The following MAP3K21 variants were observed in gnomAD, a reference collection of about 807,000 sequenced individuals.
MAP3K21 encodes mitogen-activated protein kinase kinase kinase 21.
Under a neutral mutation model 86.1 loss-of-function variants are expected in MAP3K21, and 63 were observed. The observed-to-expected ratio is 0.73, with a 90% CI of 0.60 to 0.90. MAP3K21 has a LOEUF of 0.90. Ranked by LOEUF, MAP3K21 falls within the 40% of genes least tolerant of loss-of-function variation. The probability of loss-of-function intolerance (pLI) is 0.00; values close to 1 mark genes in which losing one functional copy is unlikely to be tolerated. For missense variants in MAP3K21, 1,220 were observed against 1,367.7 expected (o/e 0.89, Z 1.70); for synonymous variants, 558 against 564.8 (o/e 0.99, Z 0.17).
chr1:233,381,897 A>AT (rs1403897948), intron 9 of MAP3K21, among the ~76,000 whole-genome samples: 12 of 152,208 alleles, frequency 7.9e-5, no homozygotes, highest in African/African-American at 2.9e-4. Flanking sequence ...AACCTCTTAA[A>AT]TTTATTCCAG....
At chr1:233,329,003 G>C (rs979704708) in intron 1 of MAP3K21, among the ~76,000 whole-genome samples, 170 bp downstream of exon 1, 1 of 152,176 alleles carries the variant, frequency 6.6e-6, no homozygotes. Flanking sequence ...TTGGTTACTT[G>C]CTTTGGGGCT....
rs1252087439 is a variant in MAP3K21 at position 233,383,544 on chromosome 1, C to T, written c.*833C>T. 4 of 151,940 alleles carry T rather than the reference C, an allele frequency of 2.6e-5. No individual in the cohort carries two copies. The highest frequency in any genetic ancestry group is 9.7e-5 in the African/African-American group (4 of 41,374). 9.4% of individuals were successfully genotyped at this position (151,940 alleles called of 1,614,324 possible). A position where few individuals can be genotyped will look rare whatever the true frequency, so the allele number is the denominator to read the frequency against. On this transcript the variant is annotated 3_prime_UTR_variant, in exon 10 of 10. Coordinates refer to ENST00000366624, the MANE Select transcript of MAP3K21 (RefSeq NM_032435.3). ...CCTATAGAAAACATTCTTCCTCCATCAGTAGCCCTTTATTTGATATTCAGA... is the reference window on the plus strand; with the variant it reads ...CCTATAGAAAACATTCTTCCTCCATTAGTAGCCCTTTATTTGATATTCAGA...
At chr1:233,332,050 A>G (rs1347191298) in intron 1 of MAP3K21, among the ~76,000 whole-genome samples, 1 of 152,168 alleles carries the variant, frequency 6.6e-6, no homozygotes, top group Non-Finnish European at 1.5e-5. Context: ...AGTTACTGTG[A>G]AAATCGCCAG....
At chr1:233,373,561 G>C (rs1454011892) in intron 6 of MAP3K21, 1 of 152,268 alleles carries the variant, frequency 6.6e-6, no homozygotes. Context: ...AATCGAGACA[G>C]TCCACACAGG....
chr1:233,377,509 G>A (rs1663823205), intron 8 of MAP3K21, among the ~76,000 whole-genome samples: 1 of 152,124 alleles, frequency 6.6e-6, no homozygotes, highest in Admixed American at 6.5e-5. Context: ...CAACGTCAGG[G>A]AGTGGAAGGA....
chr1:233,364,234 C>T (rs1663524174), intron 5 of MAP3K21, among the ~76,000 whole-genome samples: 1 of 151,804 alleles, frequency 6.6e-6, no homozygotes, highest in Non-Finnish European at 1.5e-5. Context: ...TGCAGGGTCA[C>T]TGACTGGTCT....
intron 6 of MAP3K21, chr1:233,373,702 C>T (rs12027279): frequency 0.19 from 28,794 of 152,068 alleles, 2,844 homozygotes; most frequent in South Asian, 0.3. Flanking sequence ...TCAATTCTGA[C>T]AGCCTCATTG....
chr1:233,337,232 T>C (rs1662934655), intron 1 of MAP3K21, among the ~76,000 whole-genome samples: 1 of 152,194 alleles, frequency 6.6e-6, no homozygotes, highest in Admixed American at 6.5e-5. Context: ...CTTGACAATA[T>C]GTAAACAAAT....
chr1:233,384,466 T>C lies in MAP3K21; in HGVS notation c.*1755T>C, dbSNP rs1663970830. ...GGCTTCACTTTGTGTGGTTATTGAATTATGTAACAGAGATTTGGTTTTCCC... is the reference window on the plus strand; with the variant it reads ...GGCTTCACTTTGTGTGGTTATTGAACTATGTAACAGAGATTTGGTTTTCCC... On this transcript the variant is annotated 3_prime_UTR_variant, in exon 10 of 10. Coordinates refer to ENST00000366624, the MANE Select transcript of MAP3K21 (RefSeq NM_032435.3). 1 of 152,222 alleles carries C rather than the reference T, an allele frequency of 6.6e-6. No homozygotes were observed. Among genetic ancestry groups the C allele is most frequent in the Non-Finnish European group, 1.5e-5 (1 of 68,024 alleles). 9.4% of individuals were successfully genotyped at this position (152,222 alleles called of 1,614,324 possible).
In MAP3K21 at chr1:233,327,780, A is replaced by C; in HGVS notation, c.-249A>C. On this transcript the variant is annotated 5_prime_UTR_variant, in exon 1 of 10. Coordinates refer to ENST00000366624, the MANE Select transcript of MAP3K21 (RefSeq NM_032435.3). Reference sequence around the variant, plus strand: ...GGCGGGCCGGCCGCAGGGCCTGGGCACGACCATGGTGGGACGTCGCCCGCG... The same window carrying C: ...GGCGGGCCGGCCGCAGGGCCTGGGCCCGACCATGGTGGGACGTCGCCCGCG... 9 of 296,038 alleles carry C rather than the reference A, an allele frequency of 3.0e-5. No homozygotes were observed. Among genetic ancestry groups the C allele is most frequent in the South Asian group, 1.6e-4 (1 of 6,244 alleles). 18.3% of individuals were successfully genotyped at this position (296,038 alleles called of 1,614,324 possible). A position where few individuals can be genotyped will look rare whatever the true frequency, so the allele number is the denominator to read the frequency against.
chr1:233,361,945 T>C, intron 4 of MAP3K21, 108 bp from the exon 5 acceptor site: 1 of 1,345,652 alleles, frequency 7.4e-7, no homozygotes, highest in East Asian at 2.5e-5. Context: ...AGCTTCTCCT[T>C]GTGCACAGGA....
rs1469181420 is a variant in MAP3K21, at chr1:233,383,738, G to T, written c.*1027G>T. 2 of 152,152 alleles carry T rather than the reference G, an allele frequency of 1.3e-5. No individual in the cohort carries two copies. Among genetic ancestry groups the T allele is most frequent in the Non-Finnish European group, 2.9e-5 (2 of 68,020 alleles). 9.4% of individuals were successfully genotyped at this position (152,152 alleles called of 1,614,324 possible). The stretch of plus-strand genomic sequence containing the variant: ...AAAGACACTGACAACTCAAGGAACA[G>T]CAGTACAGTACTATTAGAAGTTAAG... On this transcript the variant is annotated 3_prime_UTR_variant, in exon 10 of 10. Transcript: ENST00000366624.
At chr1:233,380,900 C>T (rs1663901230) in intron 9 of MAP3K21, among the ~76,000 whole-genome samples, 1 of 152,172 alleles carries the variant, frequency 6.6e-6, no homozygotes, top group Non-Finnish European at 1.5e-5. Flanking sequence ...GTATTTTTTC[C>T]ATTCCTAAAA....
intron 1 of MAP3K21, among the ~76,000 whole-genome samples, chr1:233,332,663 G>T (rs1456918748): frequency 6.6e-6 from 1 of 152,206 alleles, no homozygotes; most frequent in Non-Finnish European, 1.5e-5. Flanking sequence ...GAGGTTACCA[G>T]GGGGCAGTGA....
chr1:233,382,958 A>G lies in MAP3K21; in HGVS notation c.*247A>G, dbSNP rs887258983. 4.7e-5 allele frequency: 18 copies of G among 383,508 alleles called. No individual in the cohort carries two copies. Among genetic ancestry groups the G allele is most frequent in the Middle Eastern group, 7.2e-4 (1 of 1,380 alleles). The allele number at this position is 383,508 out of a possible 1,614,324, so 23.8% of individuals were successfully genotyped here. On this transcript the variant is annotated 3_prime_UTR_variant, in exon 10 of 10. Transcript: ENST00000366624. ...AGTGTAAAACAAGAGATGTGCACCA[A>G]TGAAAACTATGCTGGGTCGAATTAC...
At chr1:233,332,473 C>T (rs140246895) in intron 1 of MAP3K21, among the ~76,000 whole-genome samples, 4 of 152,182 alleles carry the variant, frequency 2.6e-5, no homozygotes, top group African/African-American at 7.2e-5. Flanking sequence ...GAGAGGCATG[C>T]GTGGGGCAGG....
Position 233,328,912 on chromosome 1 carries a change from T to C in MAP3K21, c.805+79T>C, listed in dbSNP as rs943949514. ...GGGCTCCACAGGACATAGTACCAGATGGAAAGAGGTGGGAGTCAGCCTTAG... is the reference window on the plus strand; with the variant it reads ...GGGCTCCACAGGACATAGTACCAGACGGAAAGAGGTGGGAGTCAGCCTTAG... On this transcript the variant is annotated intron_variant, in intron 1 of 9. Transcript: ENST00000366624. The surrounding 1 kb of genome is among the most constrained non-coding windows in gnomAD (Gnocchi z 8.7). 15 of 1,252,632 alleles carry C rather than the reference T, an allele frequency of 1.2e-5. No individual in the cohort carries two copies. The highest frequency in any genetic ancestry group is 3.3e-5 in the East Asian group (1 of 30,384). The allele number at this position is 1,252,632 out of a possible 1,614,324, so 77.6% of individuals were successfully genotyped here.
chr1:233,375,284 T>A (rs1400863751), intron 6 of MAP3K21, among the ~76,000 whole-genome samples: 3 of 152,104 alleles, frequency 2.0e-5, no homozygotes, highest in African/African-American at 7.2e-5. Flanking sequence ...GGACAGCATC[T>A]AAGTGTTTAG....
intron 1 of MAP3K21, among the ~76,000 whole-genome samples, chr1:233,339,379 T>TCC (rs1491373139): frequency 4.2e-5 from 4 of 94,598 alleles, no homozygotes; most frequent in South Asian, 4.1e-4. Context: ...CTTCTCCTTC[T>TCC]TCTCCTTCTT....
Sources: allele counts gnomAD v4.1 joint callset (sites outside exome capture counted in the v4.1 genomes callset), GRCh38; gene constraint gnomAD v4.1.1; non-coding constraint Gnocchi (gnomAD v3.1); transcripts MANE v1.5; gene names NCBI Gene and HGNC (gene_info 2026-07-23, HGNC 2026-07-21).